The following TRHDE variants were observed in gnomAD, a reference collection of about 807,000 sequenced individuals.
The protein encoded by TRHDE is thyrotropin-releasing hormone-degrading ectoenzyme.
TRHDE carries 72 observed loss-of-function variants against 125.7 expected under a neutral mutation model. That is an observed-to-expected ratio of 0.57 (90% confidence interval 0.47 to 0.70). The LOEUF (loss-of-function observed/expected upper bound fraction) is 0.70. Among genes scored for constraint, TRHDE ranks in the 30% least tolerant of loss-of-function variants. TRHDE has a pLI of 0.00. For synonymous variants in TRHDE, 509 were observed against 509.1 expected (o/e 1.00, Z 0.00); for missense variants, 1,110 against 1,327.1 (o/e 0.84, Z 2.54).
Position 72,529,082 on chromosome 12 carries a change from A to T in TRHDE, c.1723-13209A>T, listed in dbSNP as rs890344209. Among the ~76,000 whole-genome samples the T allele has an allele frequency of 9.2e-5, 14 of 152,244 alleles. No homozygotes were observed. The East Asian group carries it at 2.5e-3, about 27-fold the overall frequency. Reference sequence around the variant, plus strand: ...GTCAGATAATTTTATTTTAAATAAAAACCAAAAAATTAAACTATAGGACTA... The same window carrying T: ...GTCAGATAATTTTATTTTAAATAAATACCAAAAAATTAAACTATAGGACTA... On this transcript the variant is annotated intron_variant, in intron 6 of 18. Coordinates refer to ENST00000261180, the MANE Select transcript of TRHDE (RefSeq NM_013381.3).
At chr12:72,523,965 G>A (rs1181904996) in intron 6 of TRHDE, among the ~76,000 whole-genome samples, 1 of 152,092 alleles carries the variant, frequency 6.6e-6, no homozygotes, top group African/African-American at 2.4e-5. Flanking sequence ...TTTACAAGCT[G>A]GGATGGTGAT....
intron 2 of TRHDE, among the ~76,000 whole-genome samples, chr12:72,376,812 A>G (rs898372266): frequency 6.6e-6 from 1 of 152,088 alleles, no homozygotes; most frequent in African/African-American, 2.4e-5. Flanking sequence ...TAAATATTCA[A>G]TGAGTACAAA....
At chr12:72,599,485 T>C (rs1282429288) in intron 12 of TRHDE, among the ~76,000 whole-genome samples, 2 of 152,172 alleles carry the variant, frequency 1.3e-5, no homozygotes, top group Non-Finnish European at 2.9e-5. Context: ...ATGTGGGTCA[T>C]TTTTCATGTT....
chr12:72,500,864 T>TC (rs1007224626), intron 6 of TRHDE, among the ~76,000 whole-genome samples: 5 of 149,810 alleles, frequency 3.3e-5, no homozygotes, highest in African/African-American at 1.2e-4. Context: ...TTTTTTTTTT[T>TC]TTTTTTTTAA....
At chr12:72,557,405 A>C (rs539853475) in intron 7 of TRHDE, among the ~76,000 whole-genome samples, 7 of 151,986 alleles carry the variant, frequency 4.6e-5, no homozygotes, top group African/African-American at 1.7e-4. Flanking sequence ...AAGAATAAAT[A>C]CTCCTATTTT....
chr12:72,166,051 T>C (rs1273528892), intron 2 of TRHDE, among the ~76,000 whole-genome samples: 1 of 152,072 alleles, frequency 6.6e-6, no homozygotes, highest in African/African-American at 2.4e-5. Flanking sequence ...ACCTAGATGG[T>C]TATAGCCCAC....
chr12:72,591,449 T>A (rs1461354249), intron 12 of TRHDE, among the ~76,000 whole-genome samples: 3 of 152,126 alleles, frequency 2.0e-5, no homozygotes, highest in Non-Finnish European at 2.9e-5. Context: ...TTCCTGCCTT[T>A]GTATTAAAAT....
At chr12:72,658,548 A>G (rs1874795349) in intron 18 of TRHDE, among the ~76,000 whole-genome samples, 1 of 151,818 alleles carries the variant, frequency 6.6e-6, no homozygotes. Context: ...TTTGCCTTTC[A>G]TATTTTCCTG....
chr12:72,656,505 T>C (rs1476482988), intron 17 of TRHDE, among the ~76,000 whole-genome samples: 4 of 152,154 alleles, frequency 2.6e-5, no homozygotes, highest in Non-Finnish European at 5.9e-5. Flanking sequence ...TCAAAGGATC[T>C]GACAGTGCCC....
At chr12:72,652,836 T>A (rs918936189) in intron 16 of TRHDE, among the ~76,000 whole-genome samples, 180 bp from the exon 17 acceptor site, 52 of 152,100 alleles carry the variant, frequency 3.4e-4, no homozygotes, top group African/African-American at 1.3e-3. Context: ...ATTAAAATAC[T>A]ATGAGTTTGA....
At chr12:72,227,602 A>G (rs1408163833) in intron 2 of TRHDE, among the ~76,000 whole-genome samples, 1 of 152,046 alleles carries the variant, frequency 6.6e-6, no homozygotes, top group East Asian at 1.9e-4. Flanking sequence ...TTCAAAACCA[A>G]TCATACCTTC....
At chr12:72,207,021 A>G (rs1351177921) in intron 2 of TRHDE, among the ~76,000 whole-genome samples, 2 of 152,182 alleles carry the variant, frequency 1.3e-5, no homozygotes, top group African/African-American at 2.4e-5. Flanking sequence ...AGTGTTATAC[A>G]CTAAGGTTCT....
chr12:72,209,210 A>G (rs946134126), intron 2 of TRHDE, among the ~76,000 whole-genome samples: 1 of 152,036 alleles, frequency 6.6e-6, no homozygotes, highest in African/African-American at 2.4e-5. Context: ...AATATGATCT[A>G]TTTTGCCCTC....
At chr12:72,661,947 G>T (rs1160253441) in intron 18 of TRHDE, among the ~76,000 whole-genome samples, 1 of 152,116 alleles carries the variant, frequency 6.6e-6, no homozygotes, top group African/African-American at 2.4e-5. Flanking sequence ...GGAAAGCAGA[G>T]TAAAAACTCT....
chr12:72,601,874 T>G (rs1415173701), intron 12 of TRHDE, among the ~76,000 whole-genome samples: 4 of 152,188 alleles, frequency 2.6e-5, no homozygotes, highest in Admixed American at 2.6e-4. Context: ...ACTTTCTTTC[T>G]TATAATACTT....
intron 12 of TRHDE, among the ~76,000 whole-genome samples, chr12:72,585,698 T>C (rs775942111): frequency 3.3e-5 from 5 of 152,178 alleles, no homozygotes; most frequent in African/African-American, 4.8e-5. Context: ...CATTCTATTC[T>C]ACCAGAAAAG....
At chr12:72,104,105 C>T (rs1172988147) in intron 1 of TRHDE, among the ~76,000 whole-genome samples, 1 of 152,132 alleles carries the variant, frequency 6.6e-6, no homozygotes, top group Non-Finnish European at 1.5e-5. Flanking sequence ...CACACCAAAT[C>T]GGTGAAGTCT....
rs527585949 is a variant in TRHDE at position 72,210,277 on chromosome 12, A to G, written n.279+104525A>G. On this transcript the variant is annotated intron_variant and non_coding_transcript_variant, in intron 2 of 4. Transcript: ENST00000548156. ...TTTAGCATATGACATTAAAAGTTTT[A>G]GTAACATTCTTCTCAGTAACATGGC... Among the ~76,000 whole-genome samples, 10 of 152,240 alleles carry G rather than the reference A, an allele frequency of 6.6e-5. No homozygotes were observed. In the South Asian group the frequency reaches 2.1e-3, roughly 32 times the overall value.
At chr12:72,590,162 T>G (rs1871613016) in intron 12 of TRHDE, among the ~76,000 whole-genome samples, 1 of 151,958 alleles carries the variant, frequency 6.6e-6, no homozygotes, top group Non-Finnish European at 1.5e-5. Context: ...CTTTATTTTT[T>G]TTGTTTTTAT....
Sources: allele counts gnomAD v4.1 joint callset (sites outside exome capture counted in the v4.1 genomes callset), GRCh38; gene constraint gnomAD v4.1.1; transcripts MANE v1.5; gene names NCBI Gene and HGNC (gene_info 2026-07-23, HGNC 2026-07-21).